NRXN3: variants seen among roughly 807,000 people sequenced by gnomAD.
The protein encoded by NRXN3 is neurexin III.
In NRXN3, 32 loss-of-function variants were observed where a neutral mutation model predicts 137.6. The ratio of observed to expected loss-of-function variants is 0.23; its 90% confidence interval spans 0.18 to 0.31. The LOEUF (loss-of-function observed/expected upper bound fraction) is 0.31. NRXN3 is among the 10% of genes least tolerant of loss of function. NRXN3 has a pLI of 1.00. For synonymous variants in NRXN3, 798 were observed against 784.5 expected, an observed-to-expected ratio of 1.02 and a Z score of -0.29; for missense variants, 1,574 against 2,062.5, an observed-to-expected ratio of 0.76 and a Z score of 4.59.
At chr14:78,419,953 G>GCGTACGCA (rs1555518527) in intron 4 of NRXN3, among the ~76,000 whole-genome samples, 3 of 33,806 alleles carry the variant, frequency 8.9e-5, no homozygotes, top group African/African-American at 1.7e-4. Flanking sequence ...GTGCGCGCGC[G>GCGTACGCA]CGCGCACGCA....
intron 15 of NRXN3, among the ~76,000 whole-genome samples, chr14:79,255,596 C>T (rs895342774): frequency 2.6e-5 from 4 of 152,210 alleles, no homozygotes; most frequent in African/African-American, 7.2e-5. Context: ...GAATGTGAAT[C>T]GTAATACCCA....
At chr14:79,621,833 A>C (rs2098227233) in intron 16 of NRXN3, among the ~76,000 whole-genome samples, 1 of 152,232 alleles carries the variant, frequency 6.6e-6, no homozygotes, top group Non-Finnish European at 1.5e-5. Context: ...CTTGCTGCTC[A>C]AGTAATGGAT....
intron 15 of NRXN3, among the ~76,000 whole-genome samples, chr14:79,439,149 G>C (rs565256747): frequency 4.6e-5 from 7 of 152,206 alleles, no homozygotes; most frequent in Non-Finnish European, 1.0e-4. Context: ...ACCAAAGAGA[G>C]TGTTTACATA....
chr14:79,794,431 A>C (rs1323266064), intron 19 of NRXN3, among the ~76,000 whole-genome samples: 3 of 152,120 alleles, frequency 2.0e-5, no homozygotes, highest in Non-Finnish European at 4.4e-5. Flanking sequence ...GGGTTGCCCT[A>C]TCTTTCCCTT....
intron 17 of NRXN3, among the ~76,000 whole-genome samples, chr14:79,679,274 A>T (rs2098657236): frequency 6.6e-6 from 1 of 152,176 alleles, no homozygotes; most frequent in Admixed American, 6.5e-5. Flanking sequence ...AAATATAAAA[A>T]GTATTGCCTT....
At chr14:78,202,826 A>G (rs1223003896) in intron 1 of NRXN3, among the ~76,000 whole-genome samples, 1 of 152,184 alleles carries the variant, frequency 6.6e-6, no homozygotes, top group Non-Finnish European at 1.5e-5. Flanking sequence ...TGTGATGTAT[A>G]TTATTTTAGT....
At chr14:79,127,776 A>G (rs2056777649) in intron 15 of NRXN3, among the ~76,000 whole-genome samples, 1 of 152,080 alleles carries the variant, frequency 6.6e-6, no homozygotes, top group African/African-American at 2.4e-5. Flanking sequence ...CAGTATGGCC[A>G]TTTTCACGAT....
chr14:78,515,548 T>C (rs548768203), intron 4 of NRXN3, among the ~76,000 whole-genome samples: 1 of 152,226 alleles, frequency 6.6e-6, no homozygotes, highest in African/African-American at 2.4e-5. Context: ...TATAGTTCTA[T>C]ATGCAACATT....
chr14:79,759,605 A>T (rs2099031478), intron 19 of NRXN3, among the ~76,000 whole-genome samples: 1 of 151,678 alleles, frequency 6.6e-6, no homozygotes, highest in Non-Finnish European at 1.5e-5. Context: ...CAAAGGAAAA[A>T]CTTGAAGTCA....
At chr14:79,210,644 A>T (rs909772218) in intron 15 of NRXN3, among the ~76,000 whole-genome samples, 2 of 152,174 alleles carry the variant, frequency 1.3e-5, no homozygotes, top group Non-Finnish European at 2.9e-5. Flanking sequence ...GTCTTCAGAA[A>T]GTTTCTTTGA....
intron 15 of NRXN3, among the ~76,000 whole-genome samples, chr14:79,084,118 T>G (rs1044658508): frequency 6.6e-6 from 1 of 152,112 alleles, no homozygotes; most frequent in African/African-American, 2.4e-5. Flanking sequence ...GCCTCTATAT[T>G]GCCCAGGCTG....
intron 1 of NRXN3, among the ~76,000 whole-genome samples, chr14:78,230,592 A>G (rs546405650): frequency 1.3e-5 from 2 of 152,290 alleles, no homozygotes; most frequent in East Asian, 1.9e-4. Context: ...GTGGGGACCC[A>G]GAGAAGAGGG....
chr14:78,603,938 TA>T (rs1273853684), intron 4 of NRXN3, among the ~76,000 whole-genome samples: 1 of 152,226 alleles, frequency 6.6e-6, no homozygotes, highest in African/African-American at 2.4e-5. Context: ...CTTATGCTGC[TA>T]ATAAAGACAT....
intron 15 of NRXN3, among the ~76,000 whole-genome samples, chr14:79,374,257 C>T (rs915753212): frequency 1.3e-5 from 2 of 152,120 alleles, no homozygotes; most frequent in African/African-American, 4.8e-5. Flanking sequence ...GAACAGATGA[C>T]TCCCTGTTGG....
intron 6 of NRXN3, among the ~76,000 whole-genome samples, chr14:78,657,536 A>G (rs2097794478): frequency 6.6e-6 from 1 of 152,226 alleles, no homozygotes; most frequent in Admixed American, 6.5e-5. Context: ...AATTGGGAGA[A>G]TAGAACACAT....
At chr14:78,919,124 T>C (rs1260932448) in intron 10 of NRXN3, among the ~76,000 whole-genome samples, 1 of 152,212 alleles carries the variant, frequency 6.6e-6, no homozygotes, top group Non-Finnish European at 1.5e-5. Context: ...GATGAACTAT[T>C]TGTTTTCCAT....
At chr14:79,237,538 A>T (rs2073604158) in intron 15 of NRXN3, among the ~76,000 whole-genome samples, 1 of 152,102 alleles carries the variant, frequency 6.6e-6, no homozygotes, top group Admixed American at 6.5e-5. Context: ...TCACCTAGTA[A>T]GAGGAATGCT....
chr14:79,237,591 G>T (rs2073612659), intron 15 of NRXN3, among the ~76,000 whole-genome samples: 2 of 151,858 alleles, frequency 1.3e-5, no homozygotes, highest in South Asian at 4.2e-4. Flanking sequence ...AGAGACACTG[G>T]GCCTTTTCTC....
chr14:78,207,342 C>T (rs565822509), intron 1 of NRXN3, among the ~76,000 whole-genome samples: 12 of 152,294 alleles, frequency 7.9e-5, no homozygotes, highest in Middle Eastern at 3.4e-3. Flanking sequence ...TACCTTTTCT[C>T]TCTGTGATAT....
Sources: allele counts gnomAD v4.1 joint callset (sites outside exome capture counted in the v4.1 genomes callset), GRCh38; gene constraint gnomAD v4.1.1; transcripts MANE v1.5; gene names NCBI Gene and HGNC (gene_info 2026-07-23, HGNC 2026-07-21).